ARHGAP35: variants seen among roughly 807,000 people sequenced by gnomAD.
ARHGAP35 encodes the protein rho GTPase-activating protein 35.
ARHGAP35 carries 15 observed loss-of-function variants against 111.1 expected under a neutral mutation model. The ratio of observed to expected loss-of-function variants is 0.13; its 90% CI spans 0.09 to 0.21. The LOEUF is 0.21. Ranked by LOEUF, ARHGAP35 falls within the 10% of genes least tolerant of loss-of-function variation. The pLI is 1.00. For missense variants in ARHGAP35, 1,262 were observed against 1,873.0 expected (o/e 0.67, Z 6.02); for synonymous variants, 643 against 710.3 (o/e 0.91, Z 1.51).
intron 2 of ARHGAP35, among the ~76,000 whole-genome samples, chr19:46,931,566 T>G (rs778556708): frequency 5.3e-5 from 8 of 152,208 alleles, no homozygotes; most frequent in African/African-American, 1.7e-4. Flanking sequence ...GGGCATAAAC[T>G]ATTATTTATA....
intron 1 of ARHGAP35, among the ~76,000 whole-genome samples, chr19:46,864,254 TG>T (rs570902228): frequency 3.3e-5 from 5 of 152,266 alleles, no homozygotes; most frequent in South Asian, 2.1e-4. Context: ...TCTATGGTTG[TG>T]GGGGGGTATT....
At chr19:46,991,099 G>C (rs1212239585) in intron 5 of ARHGAP35, among the ~76,000 whole-genome samples, 4 of 152,178 alleles carry the variant, frequency 2.6e-5, no homozygotes, top group Non-Finnish European at 4.4e-5. Flanking sequence ...ACAGTTGCAG[G>C]CTTCTCCCCT....
intron 1 of ARHGAP35, among the ~76,000 whole-genome samples, chr19:46,871,768 C>T (rs988967648): frequency 6.6e-6 from 1 of 151,804 alleles, no homozygotes; most frequent in South Asian, 2.1e-4. Flanking sequence ...CACTTGAGGT[C>T]GGGAGTTCGA....
chr19:46,996,965 C>A (rs2056713121), intron 5 of ARHGAP35, among the ~76,000 whole-genome samples: 1 of 152,142 alleles, frequency 6.6e-6, no homozygotes, highest in African/African-American at 2.4e-5. Flanking sequence ...CCAGACCAGC[C>A]TGGACAACGT....
At chr19:46,960,995 A>G (rs2056478927) in intron 3 of ARHGAP35, among the ~76,000 whole-genome samples, 1 of 151,806 alleles carries the variant, frequency 6.6e-6, no homozygotes, top group Non-Finnish European at 1.5e-5. Flanking sequence ...CCCGAGTTCA[A>G]GCGATTCTCC....
chr19:46,896,304 C>T (rs1056991728), intron 1 of ARHGAP35, among the ~76,000 whole-genome samples: 2 of 152,088 alleles, frequency 1.3e-5, no homozygotes, highest in African/African-American at 2.4e-5. Flanking sequence ...CACCGGAGCC[C>T]GGGAGGTCAA....
intron 3 of ARHGAP35, among the ~76,000 whole-genome samples, chr19:46,972,246 G>A (rs2056554526): frequency 6.6e-6 from 1 of 152,062 alleles, no homozygotes; most frequent in Non-Finnish European, 1.5e-5. Context: ...CCTGACCTCA[G>A]GTGATCACCC....
chr19:46,952,592 C>T (rs1417637914), intron 3 of ARHGAP35, among the ~76,000 whole-genome samples: 3 of 152,240 alleles, frequency 2.0e-5, no homozygotes, highest in Non-Finnish European at 1.5e-5. Context: ...CATTGCTGAG[C>T]CTCTGTTCTT....
At chr19:46,877,316 A>C (rs2055930360) in intron 1 of ARHGAP35, among the ~76,000 whole-genome samples, 2 of 151,014 alleles carry the variant, frequency 1.3e-5, no homozygotes, top group Non-Finnish European at 2.9e-5. Context: ...TAATCCCAGC[A>C]CTTTGGGAGG....
chr19:46,973,547 G>A lies in ARHGAP35; in HGVS notation c.3827-14442G>A, dbSNP rs888174016. Among the ~76,000 whole-genome samples the A allele has an allele frequency of 4.0e-5, 6 of 151,728 alleles. No homozygotes were observed. In the South Asian group the frequency reaches 6.2e-4, roughly 16 times the overall value. On this transcript the variant is annotated intron_variant, in intron 3 of 6. Coordinates refer to ENST00000672722, the MANE Select transcript of ARHGAP35 (RefSeq NM_004491.5). The stretch of plus-strand genomic sequence containing the variant: ...TACTAAAAATACCAAAAACTTAGCC[G>A]GGTGTGGTGGCGGGGCGCCTGTAGT...
In ARHGAP35 at chr19:47,000,836, C is replaced by A; in HGVS notation, c.*148C>A. On this transcript the variant is annotated 3_prime_UTR_variant, in exon 7 of 7. Coordinates refer to ENST00000672722, the MANE Select transcript of ARHGAP35 (RefSeq NM_004491.5). This position sits in a 1 kb window ranked among gnomAD's most constrained non-coding sequence, Gnocchi z 6.9. ...CTCAAGACCTCAGTGGGAGCACCAG[C>A]CAATGGTACCATCGGCTGGGCTGCC... The A allele has an allele frequency of 6.5e-7, 1 of 1,539,904 alleles. No individual in the cohort carries two copies. The highest frequency in any genetic ancestry group is 8.7e-7 in the Non-Finnish European group (1 of 1,146,828).
chr19:46,957,603 C>T (rs73567951), intron 3 of ARHGAP35, among the ~76,000 whole-genome samples: 425 of 152,266 alleles, frequency 2.8e-3, no homozygotes, highest in African/African-American at 1.0e-2. Flanking sequence ...TAGAGTTAAA[C>T]CCTATCTCAA....
chr19:46,963,458 C>T (rs571273859), intron 3 of ARHGAP35, among the ~76,000 whole-genome samples: 1 of 152,300 alleles, frequency 6.6e-6, no homozygotes, highest in African/African-American at 2.4e-5. Context: ...TTCCTCTGTG[C>T]CTTCACTCCT....
chr19:46,917,088 C>A (rs2056168461), intron 1 of ARHGAP35, among the ~76,000 whole-genome samples: 1 of 152,086 alleles, frequency 6.6e-6, no homozygotes, highest in Non-Finnish European at 1.5e-5. Context: ...TTCTGTAACA[C>A]TTTCCATCTT....
intron 1 of ARHGAP35, among the ~76,000 whole-genome samples, chr19:46,904,609 A>G (rs1174325563): frequency 1.3e-5 from 2 of 152,164 alleles, no homozygotes; most frequent in African/African-American, 4.8e-5. Context: ...CTGTGTCAGC[A>G]TTTCCATGAT....
At chr19:46,923,102 CTTTTTTTT>C (rs397976247) in intron 2 of ARHGAP35, among the ~76,000 whole-genome samples, 1 of 123,660 alleles carries the variant, frequency 8.1e-6, no homozygotes, top group Non-Finnish European at 1.7e-5. Context: ...AATGAAGTCT[CTTTTTTTT>C]TTTTTTTTTT....
chr19:46,879,977 T>G (rs2055951535), intron 1 of ARHGAP35, among the ~76,000 whole-genome samples: 1 of 150,604 alleles, frequency 6.6e-6, no homozygotes, highest in Non-Finnish European at 1.5e-5. Context: ...TCCCAGAAAC[T>G]TGGGAGGTTG....
intron 3 of ARHGAP35, among the ~76,000 whole-genome samples, chr19:46,983,145 T>G (rs2056630349): frequency 6.8e-6 from 1 of 146,388 alleles, no homozygotes; most frequent in Admixed American, 6.9e-5. Context: ...CCCCCGCACC[T>G]GCACCGTAAC....
intron 2 of ARHGAP35, among the ~76,000 whole-genome samples, chr19:46,931,653 T>A (rs1297871925): frequency 6.6e-6 from 1 of 152,210 alleles, no homozygotes; most frequent in Non-Finnish European, 1.5e-5. Context: ...AGCAATGGAC[T>A]ATGTTGTTCA....
Sources: gnomAD v4.1 joint callset for allele counts (sites outside exome capture counted in the v4.1 genomes callset) on GRCh38, gnomAD v4.1.1 for gene constraint, Gnocchi (gnomAD v3.1) non-coding constraint, MANE v1.5 for transcripts, NCBI Gene and HGNC (gene_info 2026-07-23, HGNC 2026-07-21) for gene names.